LTN1: variants seen among roughly 807,000 people sequenced by gnomAD.
LTN1 encodes E3 ubiquitin-protein ligase listerin.
LTN1 carries 88 observed loss-of-function variants against 201.2 expected under a neutral mutation model. The observed-to-expected ratio is 0.44, with a 90% CI of 0.37 to 0.52. The LOEUF (loss-of-function observed/expected upper bound fraction) is 0.52. LTN1 is among the 20% of genes least tolerant of loss of function. The pLI is 0.00. For synonymous variants in LTN1, 645 were observed against 713.5 expected (o/e 0.90, Z 1.53); for missense variants, 1,752 against 2,038.7 (o/e 0.86, Z 2.71).
At chr21:28,937,963 T>G (rs765624588) in intron 25 of LTN1, among the ~76,000 whole-genome samples, 3 of 152,130 alleles carry the variant, frequency 2.0e-5, no homozygotes, top group Non-Finnish European at 4.4e-5. Flanking sequence ...TGCTAAAAAT[T>G]AACCACAATC....
intron 1 of LTN1, among the ~76,000 whole-genome samples, chr21:28,991,051 C>T (rs2084741052): frequency 6.6e-6 from 1 of 151,634 alleles, no homozygotes; most frequent in African/African-American, 2.4e-5. Context: ...CTGGGAGGAT[C>T]ACTTGAACCC....
intron 4 of LTN1, among the ~76,000 whole-genome samples, chr21:28,984,095 A>G (rs1347995718): frequency 6.6e-6 from 1 of 152,208 alleles, no homozygotes; most frequent in Non-Finnish European, 1.5e-5. Flanking sequence ...TTATCATTAT[A>G]AAAAATTTTA....
chr21:28,992,817 C>A lies in LTN1; in HGVS notation c.-12G>T. ...TTCTTCCCGCCCATGGTCGCGGTTGCAGCTGTACTCTGAGCACTCAGACCC... is the reference window on the plus strand; with the variant it reads ...TTCTTCCCGCCCATGGTCGCGGTTGAAGCTGTACTCTGAGCACTCAGACCC... On this transcript the variant is annotated 5_prime_UTR_variant, in exon 1 of 30. Transcript: ENST00000361371. 1 of 1,614,218 alleles carries A rather than the reference C, an allele frequency of 6.2e-7. No individual in the cohort carries two copies. The highest frequency in any genetic ancestry group is 8.5e-7 in the Non-Finnish European group (1 of 1,180,026).
At chr21:28,931,699 T>G (rs79859831) in intron 28 of LTN1, among the ~76,000 whole-genome samples, 5,706 of 152,294 alleles carry the variant, frequency 0.037, 385 homozygotes, top group African/African-American at 0.13. Context: ...TGAGCATATT[T>G]GTTTTAAAAT....
At position 28,945,800 on chromosome 21, in the gene LTN1, A is replaced by G; in HGVS notation, c.3768+7T>C. 3 of 1,611,386 alleles carry G rather than the reference A, an allele frequency of 1.9e-6. No homozygotes were observed. Among genetic ancestry groups the G allele is most frequent in the Non-Finnish European group, 2.5e-6 (3 of 1,178,560 alleles). On this transcript the variant is annotated splice_region_variant and intron_variant, in intron 21 of 29. Transcript: ENST00000361371. ...ACAAGAGGTGATGACATATCGGGTTAATTTACCTCCAACCAAGCCAACATG... is the reference window on the plus strand; with the variant it reads ...ACAAGAGGTGATGACATATCGGGTTGATTTACCTCCAACCAAGCCAACATG...
intron 9 of LTN1, 125 bp downstream of exon 9, chr21:28,969,341 G>A (rs2084553898): frequency 1.4e-6 from 1 of 732,282 alleles, no homozygotes; most frequent in South Asian, 2.6e-5. Flanking sequence ...TCACTCAATT[G>A]GTAAATTATA....
At chr21:28,983,350 C>T (rs2245308) in intron 4 of LTN1, among the ~76,000 whole-genome samples, 73,413 of 152,118 alleles carry the variant, frequency 0.48, 18,103 homozygotes, top group East Asian at 0.65. Context: ...AAGCTCTTAG[C>T]GTCCAAACTC....
rs2084758727 is a variant in LTN1, at chr21:28,992,817, C to T, written c.-12G>A. 8 of 1,614,218 alleles carry T rather than the reference C, an allele frequency of 5.0e-6. No individual in the cohort carries two copies. In the East Asian group the frequency reaches 1.8e-4, roughly 36 times the overall value. The stretch of plus-strand genomic sequence containing the variant: ...TTCTTCCCGCCCATGGTCGCGGTTG[C>T]AGCTGTACTCTGAGCACTCAGACCC... On this transcript the variant is annotated 5_prime_UTR_variant, in exon 1 of 30. Coordinates refer to ENST00000361371, the MANE Select transcript of LTN1 (RefSeq NM_015565.3).
intron 7 of LTN1, 86 bp downstream of exon 7, chr21:28,971,185 C>A: frequency 9.2e-7 from 1 of 1,090,008 alleles, no homozygotes; most frequent in South Asian, 1.9e-5. Flanking sequence ...ATTTTATTTC[C>A]AAGAAAGCAT....
At chr21:28,944,623 G>A in intron 21 of LTN1, 27 bp from the exon 22 acceptor site, 1 of 1,484,082 alleles carries the variant, frequency 6.7e-7, no homozygotes, top group South Asian at 1.2e-5. Flanking sequence ...AATGAAATAG[G>A]TAAACAGACT....
intron 6 of LTN1, among the ~76,000 whole-genome samples, chr21:28,980,312 TGA>T (rs2084648514): frequency 7.0e-6 from 1 of 143,252 alleles, no homozygotes; most frequent in Non-Finnish European, 1.5e-5. Flanking sequence ...CTGTTGGCCG[TGA>T]GTTCAATGCT....
intron 20 of LTN1, 39 bp downstream of exon 20, chr21:28,946,113 G>A (rs759751764): frequency 2.6e-6 from 4 of 1,535,182 alleles, no homozygotes; most frequent in Admixed American, 2.1e-5. Context: ...TGTCTGAATT[G>A]TATACTGAAG....
intron 11 of LTN1, among the ~76,000 whole-genome samples, chr21:28,962,431 T>C (rs1448412102): frequency 6.6e-6 from 1 of 152,240 alleles, no homozygotes; most frequent in Admixed American, 6.5e-5. Context: ...ATGTCTGTTA[T>C]AGTGATCTGC....
At chr21:28,965,210 G>GA (rs1411074618) in intron 11 of LTN1, among the ~76,000 whole-genome samples, 1 of 152,040 alleles carries the variant, frequency 6.6e-6, no homozygotes, top group Non-Finnish European at 1.5e-5. Flanking sequence ...TATGAAAACA[G>GA]AAAAATAATT....
intron 6 of LTN1, among the ~76,000 whole-genome samples, chr21:28,978,082 G>A (rs750999257): frequency 2.0e-5 from 3 of 152,024 alleles, no homozygotes; most frequent in Non-Finnish European, 4.4e-5. Flanking sequence ...AGGCTGGAGT[G>A]CAGTGGCACA....
At chr21:28,937,888 T>C (rs2084268639) in intron 25 of LTN1, among the ~76,000 whole-genome samples, 1 of 152,012 alleles carries the variant, frequency 6.6e-6, no homozygotes, top group South Asian at 2.1e-4. Context: ...AAGAACACAA[T>C]GACATTATAT....
chr21:28,960,438 A>G (rs2084467055), intron 12 of LTN1, 79 bp downstream of exon 12: 1 of 1,138,122 alleles, frequency 8.8e-7, no homozygotes, highest in South Asian at 1.5e-5. Context: ...AATAACACAT[A>G]AGCTGAGCCC....
chr21:28,976,760 ATTTGT>A (rs1317125549), intron 6 of LTN1, among the ~76,000 whole-genome samples: 3 of 152,090 alleles, frequency 2.0e-5, no homozygotes, highest in African/African-American at 7.2e-5. Context: ...ATGTACTGGA[ATTTGT>A]TTTGTTGAGA....
intron 6 of LTN1, among the ~76,000 whole-genome samples, chr21:28,975,857 C>T (rs910907334): frequency 6.6e-6 from 1 of 152,146 alleles, no homozygotes; most frequent in Non-Finnish European, 1.5e-5. Context: ...TCTCCTTACT[C>T]AAGAAAGATA....
Sources: gnomAD v4.1 joint callset for allele counts (sites outside exome capture counted in the v4.1 genomes callset) on GRCh38, gnomAD v4.1.1 for gene constraint, MANE v1.5 for transcripts, NCBI Gene and HGNC (gene_info 2026-07-23, HGNC 2026-07-21) for gene names.